PRPH: variants seen among roughly 807,000 people sequenced by gnomAD.
The protein encoded by PRPH is peripherin.
Under a neutral mutation model 52.6 loss-of-function variants are expected in PRPH, and 48 were observed. That is an observed-to-expected ratio of 0.91 (90% confidence interval 0.72 to 1.16). The LOEUF (loss-of-function observed/expected upper bound fraction) is 1.16. Among genes scored for constraint, PRPH ranks in the 50% most tolerant of loss-of-function variants. The pLI, the probability that PRPH is intolerant of heterozygous loss-of-function variation, is 0.00. For synonymous variants in PRPH, 279 were observed against 283.8 expected (o/e 0.98, Z 0.17); for missense variants, 579 against 635.7 (o/e 0.91, Z 0.96).
At position 49,295,355 on chromosome 12, in the gene PRPH, G is replaced by A. The variant is rs1343593520; in HGVS notation, c.155G>A (p.Ser52Asn). The A allele has an allele frequency of 1.2e-6, 2 of 1,609,870 alleles. No individual in the cohort carries two copies. Among genetic ancestry groups the A allele is most frequent in the South Asian group, 1.1e-5 (1 of 90,632 alleles). The change falls in exon 1 of 9, where the codon AGC becomes AAC. Residue 52 changes from serine to asparagine, a missense_variant. Ser to Asn is a conservative substitution (Grantham distance 46). Transcript: ENST00000257860. Reference protein sequence around the residue: ...SSRLLGSASPSSSVRLGSFRS... With the variant: ...SSRLLGSASPNSSVRLGSFRS... Reference sequence around the variant, plus strand: ...CGCCTGCTGGGCTCCGCGTCCCCGAGCTCCTCGGTGCGCCTGGGCAGCTTC... The same window carrying A: ...CGCCTGCTGGGCTCCGCGTCCCCGAACTCCTCGGTGCGCCTGGGCAGCTTC...
chr12:49,296,173 G>A lies in PRPH; in HGVS notation c.546-5G>A, dbSNP rs748434193. The A allele has an allele frequency of 6.2e-7, 1 of 1,611,766 alleles. No individual in the cohort carries two copies. The highest frequency in any genetic ancestry group is 8.5e-7 in the Non-Finnish European group (1 of 1,179,728). ...AGTTCAGCCTCTGCACGCTCTTCCC[G>A]TCAGGTTGGAGGAGGAGACGCGCAA... On this transcript the variant is annotated splice_polypyrimidine_tract_variant and splice_region_variant and intron_variant, in intron 1 of 8. Transcript: ENST00000257860. This position sits in a 1 kb window ranked among gnomAD's most constrained non-coding sequence, Gnocchi z 5.1.
At position 49,297,919 on chromosome 12, in the gene PRPH, A is replaced by G. The variant is rs1359224626; in HGVS notation, c.1268-39A>G. On this transcript the variant is annotated intron_variant, in intron 7 of 8. Transcript: ENST00000257860. This position sits in a 1 kb window ranked among gnomAD's most constrained non-coding sequence, Gnocchi z 4.4. ...TGGGAGCCTAAGAGGAGAGATTCCC[A>G]CGCCTTCCCCCTTGAACCCTTTATC... 6.2e-7 allele frequency: 1 copy of G among 1,609,754 alleles called. No individual in the cohort carries two copies. Among genetic ancestry groups the G allele is most frequent in the South Asian group, 1.1e-5 (1 of 90,986 alleles).
rs564003476 is a variant in PRPH, at chr12:49,295,391, G to C, written c.191G>C (p.Arg64Pro). ...CGCCTGGGCAGCTTCCGTAGCCCCC[G>C]AGCGGGAGCGGGCGCCCTCCTGCGC... ...SVRLGSFRSP[R>P]AGAGALLRLP... Residue 64 changes from arginine to proline, a missense_variant, in exon 1 of 9, where the codon CGA becomes CCA. By Grantham distance (103) the Arg-to-Pro change is moderately radical. Transcript: ENST00000257860. 1.9e-6 allele frequency: 3 copies of C among 1,605,792 alleles called. No individual in the cohort carries two copies. The highest frequency in any genetic ancestry group is 4.5e-5 in the East Asian group (2 of 44,604).
rs747644623 is a variant in PRPH, at chr12:49,297,980, G to C, written c.1290G>C (p.Gln430His). 2.5e-6 allele frequency: 4 copies of C among 1,614,200 alleles called. No homozygotes were observed. The highest frequency in any genetic ancestry group is 3.4e-6 in the Non-Finnish European group (4 of 1,180,040). ...KTTVPEVEPP[Q>H]DSHSRKTVLI... ...CAGTGCCTGAGGTGGAGCCTCCCCA[G>C]GACAGCCACAGCCGGAAGACGGTTC... Residue 430 changes from glutamine (Q) to histidine (H), a missense_variant, in exon 8 of 9, where the codon CAG becomes CAC. Physicochemically the swap from Gln to His is conservative, Grantham distance 24. Transcript: ENST00000257860. This position sits in a 1 kb window ranked among gnomAD's most constrained non-coding sequence, Gnocchi z 4.4.
At position 49,298,566 on chromosome 12, in the gene PRPH, T is replaced by C; in HGVS notation, c.*213T>C. ...TGTGACCTATGTGCTTCCCTTTTCATGTCCCGATAAGAAGCCAATGATCCC... is the reference window on the plus strand; with the variant it reads ...TGTGACCTATGTGCTTCCCTTTTCACGTCCCGATAAGAAGCCAATGATCCC... On this transcript the variant is annotated 3_prime_UTR_variant, in exon 9 of 9. Transcript: ENST00000257860. The C allele has an allele frequency of 1.7e-6, 1 of 581,486 alleles. No individual in the cohort carries two copies. Among genetic ancestry groups the C allele is most frequent in the Admixed American group, 2.9e-5 (1 of 33,908 alleles). 36.0% of individuals were successfully genotyped at this position (581,486 alleles called of 1,614,324 possible). A position where few individuals can be genotyped will look rare whatever the true frequency, so the allele number is the denominator to read the frequency against.
chr12:49,298,210 G>A, intron 8 of PRPH, 78 bp from the exon 9 acceptor site: 1 of 1,571,926 alleles, frequency 6.4e-7, no homozygotes, highest in Non-Finnish European at 8.7e-7. Context: ...CCAGGGAGTG[G>A]GGCTCTATGA....
chr12:49,297,426 G>A lies in PRPH; in HGVS notation c.1066G>A (p.Ala356Thr). ...QFALEAGGYQ[A>T]GAARLEEELR... ...CGCCCTGGAGGCGGGGGGCTACCAG[G>A]CGGGCGCTGCGCGGCTCGAGGAGGA... Residue 356 changes from alanine to threonine, a missense_variant, in exon 6 of 9, where the codon GCG becomes ACG. Ala to Thr is a moderately conservative substitution (Grantham distance 58). Coordinates refer to ENST00000257860, the MANE Select transcript of PRPH (RefSeq NM_006262.4). This position sits in a 1 kb window ranked among gnomAD's most constrained non-coding sequence, Gnocchi z 4.4. 1 of 1,609,596 alleles carries A rather than the reference G, an allele frequency of 6.2e-7. No individual in the cohort carries two copies. Among genetic ancestry groups the A allele is most frequent in the Non-Finnish European group, 8.5e-7 (1 of 1,178,910 alleles).
chr12:49,297,267 C>T lies in PRPH; in HGVS notation c.990C>T (p.Arg330=). 2 of 1,613,952 alleles carry T rather than the reference C, an allele frequency of 1.2e-6. No homozygotes were observed. The highest frequency in any genetic ancestry group is 8.5e-7 in the Non-Finnish European group (1 of 1,179,988). The change falls in exon 5 of 9, where the codon CGC becomes CGT. Residue 330 remains arginine, a synonymous_variant. Transcript: ENST00000257860. The surrounding 1 kb of genome is among the most constrained non-coding windows in gnomAD (Gnocchi z 4.4). ...TAACGTGCGAGGTGGACGGGCTGCGCGGCACGGTGAGTACGAAGCTGCGCG... is the reference window on the plus strand; with the variant it reads ...TAACGTGCGAGGTGGACGGGCTGCGTGGCACGGTGAGTACGAAGCTGCGCG... ...QSLTCEVDGL[R]GTNEALLRQL...
chr12:49,296,914 T>C lies in PRPH; in HGVS notation c.728T>C (p.Val243Ala). Residue 243 changes from valine (V) to alanine (A), a missense_variant, in exon 4 of 9, where the codon GTG becomes GCG. Coordinates refer to ENST00000257860, the MANE Select transcript of PRPH (RefSeq NM_006262.4). The surrounding 1 kb of genome is among the most constrained non-coding windows in gnomAD (Gnocchi z 5.1). ...GAGCTGCGAGACCTGCAGGTGAGTGTGGAGAGCCAGCAGGTGCAGCAGGTG... is the reference window on the plus strand; with the variant it reads ...GAGCTGCGAGACCTGCAGGTGAGTGCGGAGAGCCAGCAGGTGCAGCAGGTG... ...EEELRDLQVS[V>A]ESQQVQQVEV... 6.2e-7 allele frequency: 1 copy of C among 1,612,638 alleles called. No homozygotes were observed. Among genetic ancestry groups the C allele is most frequent in the Non-Finnish European group, 8.5e-7 (1 of 1,179,728 alleles).
At position 49,297,523 on chromosome 12, in the gene PRPH, C is replaced by A; in HGVS notation, c.1163C>A (p.Ala388Asp). 6.2e-7 allele frequency: 1 copy of A among 1,612,352 alleles called. No individual in the cohort carries two copies. Among genetic ancestry groups the A allele is most frequent in the Admixed American group, 1.7e-5 (1 of 59,998 alleles). Residue 388 changes from alanine to aspartate, a missense_variant, in exon 6 of 9, where the codon GCC becomes GAC. Ala to Asp is a moderately radical substitution (Grantham distance 126). Coordinates refer to ENST00000257860, the MANE Select transcript of PRPH (RefSeq NM_006262.4). The surrounding 1 kb of genome is among the most constrained non-coding windows in gnomAD (Gnocchi z 4.4). ...EYQELLNVKM[A>D]LDIEIATYRK... ...CAGGAGCTCCTCAACGTCAAGATGGCCCTGGACATCGAGATCGCCACCTAC... is the reference window on the plus strand; with the variant it reads ...CAGGAGCTCCTCAACGTCAAGATGGACCTGGACATCGAGATCGCCACCTAC...
At position 49,296,456 on chromosome 12, in the gene PRPH, C is replaced by A; in HGVS notation, c.631C>A (p.Arg211Ser). The change falls in exon 3 of 9, where the codon CGC becomes AGC. Residue 211 changes from arginine to serine, a missense_variant. Arg to Ser is a moderately radical substitution (Grantham distance 110). Coordinates refer to ENST00000257860, the MANE Select transcript of PRPH (RefSeq NM_006262.4). This position sits in a 1 kb window ranked among gnomAD's most constrained non-coding sequence, Gnocchi z 5.1. The part of the protein sequence containing the change: ...RKDVDDATLS[R>S]LELERKIESL... ...GGACGTGGACGATGCCACTCTGTCC[C>A]GCCTGGAACTAGAGCGCAAGATTGA... is the stretch of plus-strand genomic sequence containing the variant. 1 of 1,614,144 alleles carries A rather than the reference C, an allele frequency of 6.2e-7. No homozygotes were observed. Among genetic ancestry groups the A allele is most frequent in the Non-Finnish European group, 8.5e-7 (1 of 1,180,026 alleles).
At position 49,297,783 on chromosome 12, in the gene PRPH, C is replaced by G; in HGVS notation, c.1267+57C>G. On this transcript the variant is annotated intron_variant, in intron 7 of 8. Transcript: ENST00000257860. The surrounding 1 kb of genome is among the most constrained non-coding windows in gnomAD (Gnocchi z 4.4). The stretch of plus-strand genomic sequence containing the variant: ...TGTCCACTTCTGCCCTCCTCGGGCT[C>G]TTGCTCTGGCTCACCTCAGGGATCT... The G allele has an allele frequency of 6.2e-6, 10 of 1,609,178 alleles. No individual in the cohort carries two copies. The highest frequency in any genetic ancestry group is 8.5e-6 in the Non-Finnish European group (10 of 1,175,854).
At position 49,295,650 on chromosome 12, in the gene PRPH, G is replaced by A. The variant is rs1282567051; in HGVS notation, c.450G>A (p.Glu150=). The A allele has an allele frequency of 1.3e-6, 2 of 1,539,562 alleles. No individual in the cohort carries two copies. Among genetic ancestry groups the A allele is most frequent in the East Asian group, 2.5e-5 (1 of 40,708 alleles). ...AGCTGTGCCAGCAGGAGCTGCGCGA[G>A]CTGCGGCGAGAGCTGGAGCTGTTGG... The part of the protein sequence containing the change: ...ADQLCQQELR[E]LRRELELLGR... Residue 150 remains glutamate (E), a synonymous_variant, in exon 1 of 9, where the codon GAG becomes GAA. Transcript: ENST00000257860.
chr12:49,297,107 C>T lies in PRPH; in HGVS notation c.871-41C>T. 1.2e-6 allele frequency: 2 copies of T among 1,613,898 alleles called. No individual in the cohort carries two copies. Among genetic ancestry groups the T allele is most frequent in the Non-Finnish European group, 1.7e-6 (2 of 1,179,958 alleles). Reference sequence around the variant, plus strand: ...GGCGGGACGCTGGGGTGGTGTCGCGCGTCCCAGCCGACTAAAGCCTGGGTT... The same window carrying T: ...GGCGGGACGCTGGGGTGGTGTCGCGTGTCCCAGCCGACTAAAGCCTGGGTT... On this transcript the variant is annotated intron_variant, in intron 4 of 8. Transcript: ENST00000257860. This position sits in a 1 kb window ranked among gnomAD's most constrained non-coding sequence, Gnocchi z 4.4.
chr12:49,295,587 G>A lies in PRPH; in HGVS notation c.387G>A (p.Leu129=). 1 of 1,557,750 alleles carries A rather than the reference G, an allele frequency of 6.4e-7. No individual in the cohort carries two copies. The highest frequency in any genetic ancestry group is 8.7e-7 in the Non-Finnish European group (1 of 1,151,276). ...EQQNAALRGE[L]SQARGQEPAR... is the part of the protein sequence containing the mutation. Reference sequence around the variant, plus strand: ...AGAACGCGGCCCTGCGCGGGGAGCTGAGCCAAGCCCGGGGCCAGGAGCCGG... The same window carrying A: ...AGAACGCGGCCCTGCGCGGGGAGCTAAGCCAAGCCCGGGGCCAGGAGCCGG... The change falls in exon 1 of 9, where the codon CTG becomes CTA. Residue 129 remains leucine, a synonymous_variant. Coordinates refer to ENST00000257860, the MANE Select transcript of PRPH (RefSeq NM_006262.4).
In PRPH at chr12:49,296,117, G is replaced by C. The variant is rs1044556517; in HGVS notation, c.546-61G>C. On this transcript the variant is annotated intron_variant, in intron 1 of 8. Transcript: ENST00000257860. The surrounding 1 kb of genome is among the most constrained non-coding windows in gnomAD (Gnocchi z 5.1). ...CTAACCGGATCCTGGGGGGCGTGCG[G>C]TCTGGGGTGCGAGCTGGGCGGCGAC... The C allele has an allele frequency of 1.3e-6, 2 of 1,554,044 alleles. No individual in the cohort carries two copies. The highest frequency in any genetic ancestry group is 1.8e-6 in the Non-Finnish European group (2 of 1,141,118).
Position 49,296,078 on chromosome 12 carries a change from C to T in PRPH, c.546-100C>T, listed in dbSNP as rs1943174622. 2 of 1,384,364 alleles carry T rather than the reference C, an allele frequency of 1.4e-6. No homozygotes were observed. The highest frequency in any genetic ancestry group is 2.0e-6 in the Non-Finnish European group (2 of 1,003,242). The allele number at this position is 1,384,364 out of a possible 1,614,324, so 85.8% of individuals were successfully genotyped here. On this transcript the variant is annotated intron_variant, in intron 1 of 8. Transcript: ENST00000257860. The surrounding 1 kb of genome is among the most constrained non-coding windows in gnomAD (Gnocchi z 5.1). ...TCAGCCCTCCATTTAGAGTCCTGGG[C>T]AGCAGAACAGCCTCTAACCGGATCC... is the stretch of plus-strand genomic sequence containing the variant.
At position 49,296,320 on chromosome 12, in the gene PRPH, G is replaced by T. The variant is rs982044831; in HGVS notation, c.606+82G>T. 5 of 1,568,388 alleles carry T rather than the reference G, an allele frequency of 3.2e-6. No homozygotes were observed. The African/African-American group carries it at 6.8e-5, about 21-fold the overall frequency. ...ATCCAGAGGTGGCATCGGTGGGCGC[G>T]GGGAGAAGGGGGTAACCCAGATGCC... is the stretch of plus-strand genomic sequence containing the variant. On this transcript the variant is annotated intron_variant, in intron 2 of 8. Coordinates refer to ENST00000257860, the MANE Select transcript of PRPH (RefSeq NM_006262.4). This position sits in a 1 kb window ranked among gnomAD's most constrained non-coding sequence, Gnocchi z 5.1.
In PRPH at chr12:49,295,917, C is replaced by G. The variant is rs950193215; in HGVS notation, c.545+172C>G. Reference sequence around the variant, plus strand: ...TCCCTGCCCACGGGCTCCAAGTGCCCCCCGCTACCCCTTTGCTCTGAGTGT... The same window carrying G: ...TCCCTGCCCACGGGCTCCAAGTGCCGCCCGCTACCCCTTTGCTCTGAGTGT... On this transcript the variant is annotated intron_variant, in intron 1 of 8. Coordinates refer to ENST00000257860, the MANE Select transcript of PRPH (RefSeq NM_006262.4). The G allele has an allele frequency of 3.5e-6, 5 of 1,441,568 alleles. No homozygotes were observed. The African/African-American group carries it at 7.2e-5, about 21-fold the overall frequency. 89.3% of individuals were successfully genotyped at this position (1,441,568 alleles called of 1,614,324 possible).
Sources: allele counts gnomAD v4.1 joint callset, GRCh38; gene constraint gnomAD v4.1.1; non-coding constraint Gnocchi (gnomAD v3.1); transcripts MANE v1.5; gene names NCBI Gene and HGNC (gene_info 2026-07-23, HGNC 2026-07-21).